NUP93: variants seen among roughly 807,000 people sequenced by gnomAD.
The protein encoded by NUP93 is nucleoporin 93, also known as nuclear pore complex protein Nup93.
In NUP93, 55 loss-of-function variants were observed where a neutral mutation model predicts 107.8. The observed-to-expected ratio is 0.51, with a 90% confidence interval of 0.41 to 0.64. The LOEUF is 0.64. Ranked by LOEUF, NUP93 falls within the 30% of genes least tolerant of loss-of-function variation. The pLI is 0.00. For missense variants in NUP93, 937 were observed against 1,044.7 expected (o/e 0.90, Z 1.42); for synonymous variants, 390 against 397.5 (o/e 0.98, Z 0.22).
intron 4 of NUP93, among the ~76,000 whole-genome samples, chr16:56,800,683 T>A (rs962490659): frequency 4.6e-5 from 7 of 152,234 alleles, no homozygotes; most frequent in African/African-American, 1.7e-4. Flanking sequence ...CATGTTTGAA[T>A]AACTTGCCAG....
chr16:56,826,830 G>A (rs1202113620), intron 8 of NUP93, among the ~76,000 whole-genome samples: 1 of 151,564 alleles, frequency 6.6e-6, no homozygotes, highest in Non-Finnish European at 1.5e-5. Context: ...GGCAGATCAC[G>A]AGGTCAAGAG....
chr16:56,748,423 A>T lies in NUP93; in HGVS notation c.176A>T (p.Lys59Met). 1 of 1,611,730 alleles carries T rather than the reference A, an allele frequency of 6.2e-7. No homozygotes were observed. Among genetic ancestry groups the T allele is most frequent in the Non-Finnish European group, 8.5e-7 (1 of 1,178,470 alleles). Reference sequence around the variant, plus strand: ...ACGTCCCAGGAGACGGCAGATGTCAAGGCGTGAGTACTGGTAGGGAGACAG... The same window carrying T: ...ACGTCCCAGGAGACGGCAGATGTCATGGCGTGAGTACTGGTAGGGAGACAG... ...TRTSQETADVKASVLLGSRGL... is the reference protein window; with the variant it reads ...TRTSQETADVMASVLLGSRGL... Residue 59 changes from lysine (K) to methionine (M), a missense_variant, in exon 2 of 22, where the codon AAG (lysine) becomes ATG (methionine). By Grantham distance (95) the Lys-to-Met change is moderately conservative. Transcript: ENST00000308159.
intron 4 of NUP93, among the ~76,000 whole-genome samples, chr16:56,801,880 G>A (rs1963028069): frequency 6.6e-6 from 1 of 152,098 alleles, no homozygotes; most frequent in Non-Finnish European, 1.5e-5. Flanking sequence ...CAATTAACAG[G>A]GAATGGTTAA....
intron 7 of NUP93, among the ~76,000 whole-genome samples, chr16:56,822,202 A>G (rs533713506): frequency 1.3e-5 from 2 of 151,180 alleles, no homozygotes; most frequent in Non-Finnish European, 2.9e-5. Flanking sequence ...CCATACACAG[A>G]TTTTTTTTGT....
chr16:56,843,437 T>C (rs1964064774), intron 21 of NUP93, among the ~76,000 whole-genome samples: 1 of 152,154 alleles, frequency 6.6e-6, no homozygotes. Flanking sequence ...CACTCTCCTT[T>C]TTCTTTCTTT....
chr16:56,823,975 C>A, intron 8 of NUP93, 129 bp downstream of exon 8: 1 of 1,202,636 alleles, frequency 8.3e-7, no homozygotes, highest in Non-Finnish European at 1.1e-6. Flanking sequence ...TTAAATTGAA[C>A]AAGGTTCAGA....
chr16:56,829,175 T>G (rs1293923500), intron 9 of NUP93, 66 bp downstream of exon 9: 2 of 1,547,692 alleles, frequency 1.3e-6, no homozygotes, highest in African/African-American at 2.8e-5. Context: ...ATGGGCATTT[T>G]CAGTTAAAAT....
At chr16:56,823,232 G>GTC (rs1369979357) in intron 7 of NUP93, among the ~76,000 whole-genome samples, 4 of 152,160 alleles carry the variant, frequency 2.6e-5, no homozygotes, top group Non-Finnish European at 5.9e-5. Context: ...CCCCTGGAGC[G>GTC]TCTCTGGGAG....
In NUP93 at chr16:56,833,154, G is replaced by A. The variant is rs1963830450; in HGVS notation, c.1346-61G>A. 2.0e-6 allele frequency: 3 copies of A among 1,467,624 alleles called. No homozygotes were observed. The African/African-American group carries it at 4.4e-5, about 21-fold the overall frequency. The allele number at this position is 1,467,624 out of a possible 1,614,324, so 90.9% of individuals were successfully genotyped here. A position where few individuals can be genotyped will look rare whatever the true frequency, so the allele number is the denominator to read the frequency against. On this transcript the variant is annotated intron_variant, in intron 12 of 21. Transcript: ENST00000308159. The stretch of plus-strand genomic sequence containing the variant: ...CACAGGGCTGCTGCCTGGGGGTTGG[G>A]CCACCAGTGAGCCCCTTCTTTCTAA...
chr16:56,829,137 G>T (rs779745198), intron 9 of NUP93, 28 bp downstream of exon 9: 20 of 1,603,918 alleles, frequency 1.2e-5, no homozygotes, highest in Non-Finnish European at 1.7e-5. Flanking sequence ...TGTGTGATCA[G>T]TTACACCCCC....
chr16:56,839,518 C>G lies in NUP93; in HGVS notation c.2137-3C>G. The stretch of plus-strand genomic sequence containing the variant: ...ACATGGGGCCGGTGGTTGTTTTAAA[C>G]AGATCATTGAGCGCTTGAAGCTGGT... On this transcript the variant is annotated splice_region_variant and splice_polypyrimidine_tract_variant and intron_variant, in intron 19 of 21. Transcript: ENST00000308159. 6.2e-7 allele frequency: 1 copy of G among 1,606,792 alleles called. No homozygotes were observed. Among genetic ancestry groups the G allele is most frequent in the Non-Finnish European group, 8.5e-7 (1 of 1,177,386 alleles).
chr16:56,740,961 AGCAGTACAGTCCAGCTTCGGCTCC>A (rs1259408889), intron 1 of NUP93: 1 of 158,378 alleles, frequency 6.3e-6, no homozygotes, highest in Non-Finnish European at 1.4e-5. Flanking sequence ...CCGAGATGGC[AGCAGTACAGTCCAGCTTCGGCTCC>A]GCATGAGAGG....
rs1052685453 is a variant in NUP93, at chr16:56,809,352, T to C, written c.489+3720T>C. ...GTCTTTACTGATTGAAGTGAGATTA[T>C]TGGGGAAGATTAGTGATAATGTAAA... On this transcript the variant is annotated intron_variant, in intron 5 of 21. Transcript: ENST00000308159. 3.9e-5 allele frequency among the ~76,000 whole-genome samples: 6 copies of C among 152,200 alleles called. No individual in the cohort carries two copies. The East Asian group carries it at 5.8e-4, about 15-fold the overall frequency.
At chr16:56,738,013 A>G (rs776445714) in intron 1 of NUP93, among the ~76,000 whole-genome samples, 2 of 152,262 alleles carry the variant, frequency 1.3e-5, no homozygotes, top group African/African-American at 4.8e-5. Context: ...TGCTAGTTGT[A>G]AGACAGAACT....
At chr16:56,745,782 T>G (rs1480639204) in intron 1 of NUP93, among the ~76,000 whole-genome samples, 1 of 152,204 alleles carries the variant, frequency 6.6e-6, no homozygotes, top group African/African-American at 2.4e-5. Flanking sequence ...AGGATGTTGT[T>G]CAGAGATTCA....
chr16:56,741,603 A>G lies in NUP93; in HGVS notation c.-14-6631A>G, dbSNP rs557790607. On this transcript the variant is annotated intron_variant, in intron 1 of 21. Transcript: ENST00000308159. ...TTATTTTACTGTTATTATTTAAAAT[A>G]TCGAAAATAATCAAAAATAATTATT... Among the ~76,000 whole-genome samples, 6 of 152,344 alleles carry G rather than the reference A, an allele frequency of 3.9e-5. No homozygotes were observed. In the South Asian group the frequency reaches 1.2e-3, roughly 32 times the overall value.
chr16:56,814,387 G>A (rs1012621498), intron 5 of NUP93, among the ~76,000 whole-genome samples: 6 of 151,956 alleles, frequency 3.9e-5, no homozygotes, highest in Admixed American at 2.0e-4. Context: ...ACGGGGTTTC[G>A]CCATGTCACA....
intron 3 of NUP93, 71 bp downstream of exon 3, chr16:56,758,726 C>A: frequency 1.0e-6 from 1 of 998,354 alleles, no homozygotes; most frequent in Non-Finnish European, 1.6e-6. Context: ...CCTTTATTAA[C>A]TAGCAGATTG....
intron 1 of NUP93, among the ~76,000 whole-genome samples, chr16:56,733,395 T>C (rs542748979): frequency 6.6e-6 from 1 of 151,794 alleles, no homozygotes; most frequent in South Asian, 2.1e-4. Flanking sequence ...GGGCGAGAGA[T>C]GAGGGTATGA....
Sources: allele counts gnomAD v4.1 joint callset (sites outside exome capture counted in the v4.1 genomes callset), GRCh38; gene constraint gnomAD v4.1.1; transcripts MANE v1.5; gene names NCBI Gene and HGNC (gene_info 2026-07-23, HGNC 2026-07-21).